Variants in TMEM117 observed in about 807,000 individuals in gnomAD.
TMEM117 encodes transmembrane protein 117.
TMEM117 carries 27 observed loss-of-function variants against 52.4 expected under a neutral mutation model. The observed-to-expected ratio is 0.51, with a 90% CI of 0.38 to 0.71. TMEM117 has a LOEUF of 0.71. TMEM117 is among the 30% of genes least tolerant of loss of function. The pLI, the probability that TMEM117 is intolerant of heterozygous loss-of-function variation, is 0.00. For synonymous variants in TMEM117, 215 were observed against 206.3 expected, an observed-to-expected ratio of 1.04 and a Z score of -0.36; for missense variants, 556 against 630.5, an observed-to-expected ratio of 0.88 and a Z score of 1.26.
At chr12:43,977,660 A>C (rs1277615727) in intron 3 of TMEM117, among the ~76,000 whole-genome samples, 1 of 151,932 alleles carries the variant, frequency 6.6e-6, no homozygotes, top group South Asian at 2.1e-4. Flanking sequence ...TTGTTTTCTG[A>C]GCATATTTTT....
intron 3 of TMEM117, among the ~76,000 whole-genome samples, chr12:44,057,214 C>T (rs919386525): frequency 1.3e-5 from 2 of 152,046 alleles, no homozygotes; most frequent in Admixed American, 6.6e-5. Flanking sequence ...AGTTGCTAAG[C>T]GGGTCTTATG....
At chr12:44,103,986 C>T (rs953554878) in intron 3 of TMEM117, among the ~76,000 whole-genome samples, 2 of 151,756 alleles carry the variant, frequency 1.3e-5, no homozygotes, top group African/African-American at 4.8e-5. Flanking sequence ...TCAACAAACC[C>T]CTGAATTAAA....
intron 4 of TMEM117, among the ~76,000 whole-genome samples, chr12:44,189,436 G>A (rs1340289458): frequency 2.0e-5 from 3 of 152,124 alleles, no homozygotes; most frequent in Non-Finnish European, 4.4e-5. Context: ...CTAAAAGAAT[G>A]TTAGATTTGC....
chr12:44,209,408 A>T (rs1263073457), intron 4 of TMEM117, among the ~76,000 whole-genome samples: 4 of 152,108 alleles, frequency 2.6e-5, no homozygotes, highest in Non-Finnish European at 5.9e-5. Flanking sequence ...CTGTAATTTA[A>T]AAGGATCAAG....
At chr12:43,835,369 T>C (rs1470276046), upstream of TMEM117, among the ~76,000 whole-genome samples, 3 of 152,166 alleles carry the variant, frequency 2.0e-5, no homozygotes, top group African/African-American at 7.2e-5. Context: ...TGTGTGCTGA[T>C]GTACATATGT....
chr12:43,992,570 T>C (rs554690345), intron 3 of TMEM117, among the ~76,000 whole-genome samples: 1 of 152,326 alleles, frequency 6.6e-6, no homozygotes, highest in African/African-American at 2.4e-5. Flanking sequence ...TAAGCCACCA[T>C]GCCCAACCTG....
intron 5 of TMEM117, among the ~76,000 whole-genome samples, chr12:44,253,835 TAC>T (rs10565033): frequency 0.15 from 20,755 of 136,064 alleles, 1,770 homozygotes; most frequent in African/African-American, 0.26. Flanking sequence ...TGATAATTCC[TAC>T]ACACACACAC....
At chr12:44,181,122 C>T (rs1269045113) in intron 4 of TMEM117, among the ~76,000 whole-genome samples, 1 of 151,628 alleles carries the variant, frequency 6.6e-6, no homozygotes, top group Non-Finnish European at 1.5e-5. Context: ...AGCATTTTTT[C>T]ATGTGTTTTT....
intron 4 of TMEM117, among the ~76,000 whole-genome samples, chr12:44,187,975 T>A (rs1234076484): frequency 6.6e-6 from 1 of 152,174 alleles, no homozygotes; most frequent in Non-Finnish European, 1.5e-5. Flanking sequence ...GCTCTGAGAA[T>A]GGATTAAGAG....
In TMEM117 at chr12:44,255,249, G is replaced by A. The variant is rs1950246194; in HGVS notation, c.608+43862G>A. On this transcript the variant is annotated intron_variant, in intron 5 of 7. Coordinates refer to ENST00000266534, the MANE Select transcript of TMEM117 (RefSeq NM_032256.3). Reference sequence around the variant, plus strand: ...GAATCACCACACTGACTTCCACAATGGTTGAACTAGTTTACAGTCTCAAAC... The same window carrying A: ...GAATCACCACACTGACTTCCACAATAGTTGAACTAGTTTACAGTCTCAAAC... 5.3e-5 allele frequency among the ~76,000 whole-genome samples: 8 copies of A among 152,180 alleles called. No homozygotes were observed. The South Asian group carries it at 1.7e-3, about 32-fold the overall frequency.
At chr12:43,958,600 A>G (rs955599239) in intron 3 of TMEM117, among the ~76,000 whole-genome samples, 6 of 152,184 alleles carry the variant, frequency 3.9e-5, no homozygotes, top group African/African-American at 1.4e-4. Flanking sequence ...TGTAATGAGA[A>G]TGGAATAGAC....
intron 6 of TMEM117, among the ~76,000 whole-genome samples, chr12:44,306,521 T>C (rs888251582): frequency 6.6e-6 from 1 of 152,214 alleles, no homozygotes. Flanking sequence ...TGGATCCTTA[T>C]ACTATTGATA....
At chr12:44,054,494 G>C (rs556552880) in intron 3 of TMEM117, among the ~76,000 whole-genome samples, 1 of 152,130 alleles carries the variant, frequency 6.6e-6, no homozygotes, top group Non-Finnish European at 1.5e-5. Flanking sequence ...AAAGCTGCAC[G>C]GAGAGGTTAT....
intron 3 of TMEM117, among the ~76,000 whole-genome samples, chr12:44,101,245 A>G (rs557858292): frequency 6.6e-6 from 1 of 150,854 alleles, no homozygotes; most frequent in African/African-American, 2.4e-5. Flanking sequence ...CATATGTTCA[A>G]CATAATCCTA....
intron 4 of TMEM117, among the ~76,000 whole-genome samples, chr12:44,181,062 G>T (rs899135641): frequency 6.6e-6 from 1 of 152,024 alleles, no homozygotes; most frequent in Non-Finnish European, 1.5e-5. Context: ...GTGTAAAATG[G>T]TATCTCATTG....
At chr12:44,182,085 G>T (rs1007957645) in intron 4 of TMEM117, among the ~76,000 whole-genome samples, 3 of 152,070 alleles carry the variant, frequency 2.0e-5, no homozygotes, top group Non-Finnish European at 4.4e-5. Context: ...TTGTAAGTTG[G>T]ATTCCTAGGT....
chr12:44,229,739 G>T (rs1387851042), intron 5 of TMEM117, among the ~76,000 whole-genome samples: 1 of 152,032 alleles, frequency 6.6e-6, no homozygotes, highest in African/African-American at 2.4e-5. Context: ...GATATCCTTT[G>T]GGAGCCATAA....
the TMEM117 span, among the ~76,000 whole-genome samples, chr12:43,818,471 C>T: frequency 4.0e-5 from 6 of 150,130 alleles, no homozygotes; most frequent in East Asian, 7.8e-4. Context: ...GATGGAATCG[C>T]GCTCTGTCGC....
the TMEM117 span, among the ~76,000 whole-genome samples, chr12:43,813,259 T>TC: frequency 7.6e-6 from 1 of 131,212 alleles, no homozygotes; most frequent in East Asian, 2.1e-4. Context: ...TTTTTTTTTT[T>TC]CTGAGACAGC....
Sources: allele counts gnomAD v4.1 joint callset (sites outside exome capture counted in the v4.1 genomes callset), GRCh38; gene constraint gnomAD v4.1.1; transcripts MANE v1.5; gene names NCBI Gene and HGNC (gene_info 2026-07-23, HGNC 2026-07-21).